GALNT13: variants seen among roughly 807,000 people sequenced by gnomAD.
The protein encoded by GALNT13 is UDP-GalNAc:polypeptide N-acetylgalactosaminyltransferase 13.
Under a neutral mutation model 64.2 loss-of-function variants are expected in GALNT13, and 28 were observed. The ratio of observed to expected loss-of-function variants is 0.44; its 90% CI spans 0.32 to 0.60. The LOEUF (loss-of-function observed/expected upper bound fraction) is 0.60, where lower values mean the gene tolerates loss of function less well. Ranked by LOEUF, GALNT13 falls within the 20% of genes least tolerant of loss-of-function variation. GALNT13 has a pLI of 0.05. For synonymous variants in GALNT13, 214 were observed against 224.6 expected (o/e 0.95, Z 0.42); for missense variants, 577 against 669.8 (o/e 0.86, Z 1.53).
the GALNT13 span, among the ~76,000 whole-genome samples, chr2:153,302,256 G>T: frequency 2.0e-5 from 3 of 152,074 alleles, no homozygotes; most frequent in African/African-American, 7.2e-5. Context: ...CAGGTGTGAG[G>T]TTTTAACGGG....
intron 8 of GALNT13, among the ~76,000 whole-genome samples, chr2:154,281,384 T>C (rs978101457): frequency 1.3e-5 from 2 of 152,146 alleles, no homozygotes; most frequent in Non-Finnish European, 2.9e-5. Flanking sequence ...TAAAGGACAA[T>C]TGGGATTTTC....
the GALNT13 span, among the ~76,000 whole-genome samples, chr2:153,586,396 T>C: frequency 1.1e-4 from 16 of 152,308 alleles, no homozygotes; most frequent in East Asian, 2.9e-3. Context: ...GGAATAGCTA[T>C]ACTTATATCA....
the GALNT13 span, among the ~76,000 whole-genome samples, chr2:153,608,834 T>A: frequency 2.7e-5 from 4 of 147,474 alleles, no homozygotes; most frequent in Non-Finnish European, 6.0e-5. Flanking sequence ...AGAATAAATA[T>A]ATATTAAAAA....
the GALNT13 span, among the ~76,000 whole-genome samples, chr2:153,791,615 G>A: frequency 1.1e-4 from 17 of 151,926 alleles, no homozygotes; most frequent in South Asian, 2.1e-4. Context: ...CCATAAAGAC[G>A]CATACATGTG....
the GALNT13 span, among the ~76,000 whole-genome samples, chr2:153,256,619 G>T: frequency 9.8e-4 from 149 of 152,280 alleles, no homozygotes; most frequent in Admixed American, 1.6e-3. Context: ...TGGTCTTTGA[G>T]GATGGTGATG....
At chr2:153,371,139 C>T in the GALNT13 span, 1 of 153,946 alleles carries the variant, frequency 6.5e-6, no homozygotes, top group Non-Finnish European at 1.4e-5. Flanking sequence ...CAAAATTTAA[C>T]ATCCATTTAT....
the GALNT13 span, among the ~76,000 whole-genome samples, chr2:153,746,162 A>G: frequency 6.6e-6 from 1 of 152,202 alleles, no homozygotes; most frequent in African/African-American, 2.4e-5. Context: ...AGCAGTACAA[A>G]TATCACAAGT....
the GALNT13 span, chr2:153,478,389 G>C: frequency 6.2e-7 from 1 of 1,614,192 alleles, no homozygotes; most frequent in South Asian, 1.1e-5. Flanking sequence ...ACATGACCGC[G>C]ATCTGCACCA....
chr2:153,135,774 A>G, the GALNT13 span, among the ~76,000 whole-genome samples: 9 of 152,164 alleles, frequency 5.9e-5, no homozygotes, highest in African/African-American at 2.2e-4. Context: ...GGCACTTATT[A>G]GGGTATATTT....
chr2:153,160,567 T>C, the GALNT13 span, among the ~76,000 whole-genome samples: 2 of 152,188 alleles, frequency 1.3e-5, no homozygotes, highest in Non-Finnish European at 1.5e-5. Flanking sequence ...CATGAACTTA[T>C]CAGTGATGTA....
the GALNT13 span, among the ~76,000 whole-genome samples, chr2:153,739,947 T>C: frequency 6.6e-6 from 1 of 152,008 alleles, no homozygotes; most frequent in African/African-American, 2.4e-5. Flanking sequence ...CCAATGAGAA[T>C]ATTTGTACTT....
At chr2:153,196,276 G>T in the GALNT13 span, among the ~76,000 whole-genome samples, 2 of 152,226 alleles carry the variant, frequency 1.3e-5, no homozygotes, top group Non-Finnish European at 2.9e-5. Context: ...AGGGGCACCT[G>T]CAGGCCAGTG....
At chr2:153,359,111 AAC>A in the GALNT13 span, among the ~76,000 whole-genome samples, 1 of 152,338 alleles carries the variant, frequency 6.6e-6, no homozygotes, top group Non-Finnish European at 1.5e-5. Flanking sequence ...TATATGAAAA[AAC>A]ACTTGATTTC....
the GALNT13 span, among the ~76,000 whole-genome samples, chr2:153,423,779 T>G: frequency 2.0e-5 from 3 of 151,678 alleles, no homozygotes; most frequent in Non-Finnish European, 4.4e-5. Context: ...AAGACCTAAT[T>G]AAATGTAGAG....
At chr2:153,753,244 G>A in the GALNT13 span, among the ~76,000 whole-genome samples, 1 of 152,014 alleles carries the variant, frequency 6.6e-6, no homozygotes, top group Non-Finnish European at 1.5e-5. Flanking sequence ...ATTGGTCGCT[G>A]GTGCTGTATT....
chr2:153,621,118 G>GTCTC, the GALNT13 span, among the ~76,000 whole-genome samples: 1 of 150,404 alleles, frequency 6.6e-6, no homozygotes, highest in African/African-American at 2.4e-5. Context: ...AACAGAGTCC[G>GTCTC]TCTCTCTCTC....
At chr2:153,801,839 G>A in the GALNT13 span, among the ~76,000 whole-genome samples, 3 of 152,012 alleles carry the variant, frequency 2.0e-5, no homozygotes, top group Non-Finnish European at 4.4e-5. Flanking sequence ...TGGCTTTTTT[G>A]TATTTATTGT....
At chr2:154,349,160 T>C (rs1474908128) in intron 9 of GALNT13, among the ~76,000 whole-genome samples, 5 of 152,210 alleles carry the variant, frequency 3.3e-5, no homozygotes, top group African/African-American at 9.6e-5. Flanking sequence ...AACAGGCACG[T>C]ATAATCCAAG....
At chr2:153,528,593 T>C in the GALNT13 span, among the ~76,000 whole-genome samples, 2 of 152,018 alleles carry the variant, frequency 1.3e-5, no homozygotes, top group African/African-American at 4.8e-5. Flanking sequence ...TTACAGAACA[T>C]TTCATCTAAC....
Sources: gnomAD v4.1 joint callset for allele counts (sites outside exome capture counted in the v4.1 genomes callset) on GRCh38, gnomAD v4.1.1 for gene constraint, MANE v1.5 for transcripts, NCBI Gene and HGNC (gene_info 2026-07-23, HGNC 2026-07-21) for gene names.